The following CD83 variants were observed in gnomAD, a reference collection of about 807,000 sequenced individuals.
The protein encoded by CD83 is CD83 antigen.
A neutral mutation model predicts 24.6 loss-of-function variants in CD83; 22 were observed. The observed-to-expected ratio is 0.90, with a 90% CI of 0.64 to 1.28. The LOEUF is 1.28. CD83 is among the 50% of genes most tolerant of loss of function. The pLI is 0.00. For synonymous variants in CD83, 101 were observed against 103.5 expected (o/e 0.98, Z 0.14); for missense variants, 253 against 252.8 (o/e 1.00, Z -0.01).
At chr6:14,134,054 G>T (rs191317493) in intron 4 of CD83, among the ~76,000 whole-genome samples, 2 of 152,168 alleles carry the variant, frequency 1.3e-5, no homozygotes, top group Non-Finnish European at 2.9e-5. Flanking sequence ...CCCTGTAGGC[G>T]CAGTGCTAGA....
rs1362042004 is a variant in CD83, at chr6:14,133,717, C to G, written c.451C>G (p.Leu151Val). The change falls in exon 4 of 5, where the codon CTG becomes GTG. Residue 151 changes from leucine to valine, a missense_variant. Transcript: ENST00000379153. ...AGCGGAGATTGTCCTGCTGCTGGCTCTGGTTATTTTCTACTTAACACTCAT... is the reference window on the plus strand; with the variant it reads ...AGCGGAGATTGTCCTGCTGCTGGCTGTGGTTATTTTCTACTTAACACTCAT... Reference protein sequence around the residue: ...YRAEIVLLLALVIFYLTLIIF... With the variant: ...YRAEIVLLLAVVIFYLTLIIF... 6.2e-7 allele frequency: 1 copy of G among 1,613,634 alleles called. No homozygotes were observed. Among genetic ancestry groups the G allele is most frequent in the Non-Finnish European group, 8.5e-7 (1 of 1,179,576 alleles).
chr6:14,128,764 T>C (rs1759880356), intron 2 of CD83, among the ~76,000 whole-genome samples: 1 of 152,242 alleles, frequency 6.6e-6, no homozygotes. Flanking sequence ...TGGCTCACCC[T>C]GCCTTTGTTT....
intron 3 of CD83, among the ~76,000 whole-genome samples, 159 bp from the exon 4 acceptor site, chr6:14,133,490 T>TGCTGTCACCTTC (rs1757974069): frequency 6.6e-6 from 1 of 152,248 alleles, no homozygotes; most frequent in South Asian, 2.1e-4. Context: ...CGCCGGCTGC[T>TGCTGTCACCTTC]GCTGTCACCT....
intron 2 of CD83, among the ~76,000 whole-genome samples, chr6:14,131,206 CA>C (rs1440284187): frequency 6.6e-6 from 1 of 152,112 alleles, no homozygotes; most frequent in African/African-American, 2.4e-5. Context: ...TACATAGACA[CA>C]AAATATAATC....
chr6:14,132,388 G>A (rs1757930250), intron 3 of CD83, among the ~76,000 whole-genome samples: 1 of 152,212 alleles, frequency 6.6e-6, no homozygotes, highest in South Asian at 2.1e-4. Context: ...GCAGGGAGTG[G>A]AGAGAAAATG....
Position 14,118,073 on chromosome 6 carries a change from C to G in CD83, c.153+8C>G, listed in dbSNP as rs754842313. ...ACGGTCTCCTGGGTCAAGGTAGGTG[C>G]TGCGATACCCACGGGCTGGGGTTTG... On this transcript the variant is annotated splice_region_variant and intron_variant, in intron 2 of 4. Transcript: ENST00000379153. The G allele has an allele frequency of 6.3e-7, 1 of 1,586,310 alleles. No homozygotes were observed. The highest frequency in any genetic ancestry group is 1.1e-5 in the South Asian group (1 of 88,736).
At chr6:14,126,637 A>G (rs1759821164) in intron 2 of CD83, among the ~76,000 whole-genome samples, 2 of 152,220 alleles carry the variant, frequency 1.3e-5, no homozygotes, top group Admixed American at 1.3e-4. Flanking sequence ...TAATAAAACT[A>G]CGCATAGAAA....
chr6:14,131,569 T>A lies in CD83; in HGVS notation c.203T>A (p.Leu68His), dbSNP rs1218028289. ...ATGGAGACACCCCAGGAAGACCACC[T>A]CAGGGGACAGCACTATCATCAGAAG... The part of the protein sequence containing the change: ...ERMETPQEDH[L>H]RGQHYHQKGQ... Residue 68 changes from leucine (L) to histidine (H), a missense_variant, in exon 3 of 5, where the codon CTC becomes CAC. Leu to His is a moderately conservative substitution (Grantham distance 99). Coordinates refer to ENST00000379153, the MANE Select transcript of CD83 (RefSeq NM_004233.4). 1.2e-6 allele frequency: 2 copies of A among 1,614,004 alleles called. No homozygotes were observed. Among genetic ancestry groups the A allele is most frequent in the Non-Finnish European group, 1.7e-6 (2 of 1,180,008 alleles).
At chr6:14,132,892 A>T (rs1158651086) in intron 3 of CD83, among the ~76,000 whole-genome samples, 1 of 152,230 alleles carries the variant, frequency 6.6e-6, no homozygotes, top group Non-Finnish European at 1.5e-5. Flanking sequence ...CACTATAGCC[A>T]AAGCTCAACT....
At chr6:14,123,442 A>G (rs919741531) in intron 2 of CD83, among the ~76,000 whole-genome samples, 11 of 152,238 alleles carry the variant, frequency 7.2e-5, no homozygotes, top group Non-Finnish European at 8.8e-5. Flanking sequence ...AATGCAAAAT[A>G]TGCCTAAAGC....
rs1047712916 is a variant in CD83 at position 14,129,351 on chromosome 6, G to A, written c.154-2169G>A. ...TAGGAAGAAGCCGCTCTGCCAGGCAGCGGAAGGGAGAGGCAAGCAGTGTGA... is the reference window on the plus strand; with the variant it reads ...TAGGAAGAAGCCGCTCTGCCAGGCAACGGAAGGGAGAGGCAAGCAGTGTGA... On this transcript the variant is annotated intron_variant, in intron 2 of 4. Coordinates refer to ENST00000379153, the MANE Select transcript of CD83 (RefSeq NM_004233.4). This position sits in a 1 kb window ranked among gnomAD's most constrained non-coding sequence, Gnocchi z 4.3. Among the ~76,000 whole-genome samples the A allele has an allele frequency of 6.6e-6, 1 of 152,192 alleles. No homozygotes were observed. Among genetic ancestry groups the A allele is most frequent in the African/African-American group, 2.4e-5 (1 of 41,442 alleles).
In CD83 at chr6:14,136,037, C is replaced by T. The variant is rs1052306346; in HGVS notation, c.*801C>T. 3.9e-5 allele frequency: 6 copies of T among 152,246 alleles called. No homozygotes were observed. Among genetic ancestry groups the T allele is most frequent in the Middle Eastern group, 3.4e-3 (1 of 294 alleles). 9.4% of individuals were successfully genotyped at this position (152,246 alleles called of 1,614,324 possible). A position where few individuals can be genotyped will look rare whatever the true frequency, so the allele number is the denominator to read the frequency against. ...ACAAGATAGAGAGCTATTTAATGGCCGGCTGGAAATGCTGGGCTGACGGTG... is the reference window on the plus strand; with the variant it reads ...ACAAGATAGAGAGCTATTTAATGGCTGGCTGGAAATGCTGGGCTGACGGTG... On this transcript the variant is annotated 3_prime_UTR_variant, in exon 5 of 5. Transcript: ENST00000379153.
At position 14,131,766 on chromosome 6, in the gene CD83, A is replaced by T. The variant is rs1382049561; in HGVS notation, c.382+18A>T. The T allele has an allele frequency of 6.5e-7, 1 of 1,544,298 alleles. No homozygotes were observed. Among genetic ancestry groups the T allele is most frequent in the South Asian group, 1.1e-5 (1 of 89,472 alleles). On this transcript the variant is annotated intron_variant, in intron 3 of 4. Transcript: ENST00000379153. ...AGTGACAGGTGAGGTGACCTGCTGC[A>T]CTTGTTTTCTTCTTGAACAATGCAT...
At chr6:14,133,342 C>T (rs9382940) in intron 3 of CD83, among the ~76,000 whole-genome samples, 23,958 of 152,278 alleles carry the variant, frequency 0.16, 2,442 homozygotes, top group East Asian at 0.38. Flanking sequence ...CTGGCTCAGC[C>T]GCCTTGGTCC....
intron 2 of CD83, among the ~76,000 whole-genome samples, chr6:14,130,893 A>G (rs1437723750): frequency 6.6e-6 from 1 of 152,226 alleles, no homozygotes; most frequent in Non-Finnish European, 1.5e-5. Flanking sequence ...TACACTCTCT[A>G]TAAAGCATGC....
At chr6:14,127,020 G>C (rs1759833782) in intron 2 of CD83, among the ~76,000 whole-genome samples, 1 of 149,780 alleles carries the variant, frequency 6.7e-6, no homozygotes, top group Admixed American at 6.7e-5. Flanking sequence ...ACGGAGTCAT[G>C]CTCTGTCACC....
chr6:14,130,523 A>C (rs1757867532), intron 2 of CD83, among the ~76,000 whole-genome samples: 1 of 152,186 alleles, frequency 6.6e-6, no homozygotes, highest in Admixed American at 6.5e-5. Context: ...CTGGGAGTTC[A>C]AGACCAGCTT....
At position 14,134,769 on chromosome 6, in the gene CD83, G is replaced by A. The variant is rs572740010; in HGVS notation, c.490-339G>A. On this transcript the variant is annotated intron_variant, in intron 4 of 4. Transcript: ENST00000379153. ...CAGTTAGGATGTTAGGGTTATTTGCGTATAAGAAGATAATTAGAGTTACCA... is the reference window on the plus strand; with the variant it reads ...CAGTTAGGATGTTAGGGTTATTTGCATATAAGAAGATAATTAGAGTTACCA... Among the ~76,000 whole-genome samples, 42 of 152,336 alleles carry A rather than the reference G, an allele frequency of 2.8e-4. No individual in the cohort carries two copies. In the South Asian group the frequency reaches 4.6e-3, roughly 17 times the overall value.
chr6:14,117,835 G>A lies in CD83; in HGVS notation c.24G>A (p.Leu8=). The A allele has an allele frequency of 1.3e-6, 2 of 1,573,762 alleles. No homozygotes were observed. Among genetic ancestry groups the A allele is most frequent in the South Asian group, 2.3e-5 (2 of 87,590 alleles). The change falls in exon 1 of 5, where the codon CTG becomes CTA. Residue 8 remains leucine (L), a synonymous_variant. Transcript: ENST00000379153. This position sits in a 1 kb window ranked among gnomAD's most constrained non-coding sequence, Gnocchi z 4.6. The part of the protein sequence containing the change: MSRGLQL[L]LLSCAYSLAP... ...CCATGTCGCGCGGCCTCCAGCTTCT[G>A]CTCCTGAGCTGCGGTAGGGCTCGCG...
Sources: gnomAD v4.1 joint callset for allele counts (sites outside exome capture counted in the v4.1 genomes callset) on GRCh38, gnomAD v4.1.1 for gene constraint, Gnocchi (gnomAD v3.1) non-coding constraint, MANE v1.5 for transcripts, NCBI Gene and HGNC (gene_info 2026-07-23, HGNC 2026-07-21) for gene names.